Variants in CAST observed in about 807,000 individuals in gnomAD.
The protein encoded by CAST is MIR583 host.
A neutral mutation model predicts 119.6 loss-of-function variants in CAST; 76 were observed. The observed-to-expected ratio is 0.64, with a 90% CI of 0.53 to 0.77. CAST has a LOEUF of 0.77. CAST is among the 30% of genes least tolerant of loss of function. The pLI, the probability that CAST is intolerant of heterozygous loss-of-function variation, is 0.00. For missense variants in CAST, 953 were observed against 946.5 expected (o/e 1.01, Z -0.09); for synonymous variants, 319 against 331.6 (o/e 0.96, Z 0.41).
chr5:96,522,380 A>G (rs553012067), upstream of CAST, among the ~76,000 whole-genome samples: 2 of 152,156 alleles, frequency 1.3e-5, no homozygotes, highest in South Asian at 4.2e-4. Flanking sequence ...ACCATCACCT[A>G]CTTATTACCT....
At chr5:96,020,829 A>G in the CAST span, among the ~76,000 whole-genome samples, 1 of 46,398 alleles carries the variant, frequency 2.2e-5, no homozygotes, top group South Asian at 1.3e-3. Context: ...CCCACCCCCC[A>G]CCCCCCACCC....
At chr5:96,763,934 C>T (rs1768882969) in intron 25 of CAST, among the ~76,000 whole-genome samples, 1 of 150,582 alleles carries the variant, frequency 6.6e-6, no homozygotes, top group African/African-American at 2.5e-5. Context: ...TTTCAAGCAA[C>T]TGACTTAGCT....
the CAST span, among the ~76,000 whole-genome samples, chr5:95,969,197 T>C: frequency 6.6e-6 from 1 of 152,124 alleles, no homozygotes; most frequent in Admixed American, 6.6e-5. Flanking sequence ...TGGGGACAGA[T>C]TGTGAGGAGA....
the CAST span, among the ~76,000 whole-genome samples, chr5:96,305,047 G>A: frequency 2.0e-5 from 3 of 152,140 alleles, no homozygotes; most frequent in Admixed American, 1.3e-4. Flanking sequence ...GGGCAGTACG[G>A]CCATTTTCAT....
chr5:96,299,120 C>T, the CAST span, among the ~76,000 whole-genome samples: 1 of 151,932 alleles, frequency 6.6e-6, no homozygotes, highest in Non-Finnish European at 1.5e-5. Context: ...TGGTGGGCAC[C>T]TGTAATCCCA....
chr5:96,617,575 G>A (rs1747487959), intron 1 of CAST, among the ~76,000 whole-genome samples: 1 of 151,824 alleles, frequency 6.6e-6, no homozygotes, highest in Non-Finnish European at 1.5e-5. Context: ...GAATCACAAG[G>A]TCAGGAGATC....
chr5:96,057,257 G>A, the CAST span, among the ~76,000 whole-genome samples: 1 of 152,172 alleles, frequency 6.6e-6, no homozygotes, highest in Admixed American at 6.5e-5. Flanking sequence ...AATATGTTAG[G>A]AGGCAGCTTT....
chr5:96,755,070 G>A (rs1424870640), intron 22 of CAST: 1 of 170,164 alleles, frequency 5.9e-6, no homozygotes, highest in Non-Finnish European at 1.2e-5. Context: ...GCCGGGCATG[G>A]TGGCTCATGC....
At chr5:96,415,005 T>C in the CAST span, among the ~76,000 whole-genome samples, 1 of 152,254 alleles carries the variant, frequency 6.6e-6, no homozygotes, top group East Asian at 1.9e-4. Flanking sequence ...TGGGGTTTTA[T>C]TGTAATTGAA....
At chr5:96,401,921 A>G in the CAST span, among the ~76,000 whole-genome samples, 1 of 152,230 alleles carries the variant, frequency 6.6e-6, no homozygotes, top group African/African-American at 2.4e-5. Context: ...ATATAATTTT[A>G]AAACATATTG....
intron 3 of CAST, among the ~76,000 whole-genome samples, chr5:96,699,844 A>G (rs1407458164): frequency 6.6e-6 from 1 of 152,208 alleles, no homozygotes; most frequent in Non-Finnish European, 1.5e-5. Flanking sequence ...GGAAAACAGG[A>G]GAATTACCTA....
At chr5:96,049,907 A>G in the CAST span, among the ~76,000 whole-genome samples, 2 of 147,596 alleles carry the variant, frequency 1.4e-5, no homozygotes, top group African/African-American at 2.5e-5. Flanking sequence ...AAAAAAAAAA[A>G]AAAAAAAAAA....
upstream of CAST, among the ~76,000 whole-genome samples, chr5:96,529,433 A>G (rs1310305467): frequency 6.6e-6 from 1 of 151,594 alleles, no homozygotes; most frequent in Non-Finnish European, 1.5e-5. Flanking sequence ...TAATTGATAG[A>G]TAAAAATTGT....
At chr5:96,183,158 TAA>T in the CAST span, among the ~76,000 whole-genome samples, 2 of 80,808 alleles carry the variant, frequency 2.5e-5, no homozygotes, top group Non-Finnish European at 4.6e-5. Flanking sequence ...AAAAAATAAA[TAA>T]AATAATAATA....
chr5:96,725,712 G>A (rs1197179084), intron 4 of CAST, among the ~76,000 whole-genome samples: 1 of 152,102 alleles, frequency 6.6e-6, no homozygotes, highest in African/African-American at 2.4e-5. Context: ...TGTAGTGTAG[G>A]TTCTCCCATG....
At chr5:96,654,847 T>C (rs1335679886) in intron 1 of CAST, among the ~76,000 whole-genome samples, 1 of 152,234 alleles carries the variant, frequency 6.6e-6, no homozygotes, top group East Asian at 1.9e-4. Flanking sequence ...AAGACCTTCA[T>C]AGCTAGCTCA....
chr5:96,572,021 G>A (rs567841524), intron 1 of CAST, among the ~76,000 whole-genome samples: 3 of 152,256 alleles, frequency 2.0e-5, no homozygotes, highest in Non-Finnish European at 4.4e-5. Flanking sequence ...GTGGATAAAT[G>A]GTTTACAAAT....
At chr5:96,094,484 T>G in the CAST span, among the ~76,000 whole-genome samples, 1 of 152,072 alleles carries the variant, frequency 6.6e-6, no homozygotes, top group South Asian at 2.1e-4. Flanking sequence ...CCATATCTCC[T>G]TCTCCTGATA....
intron 1 of CAST, among the ~76,000 whole-genome samples, chr5:96,555,679 G>C (rs1243082020): frequency 1.3e-5 from 2 of 152,202 alleles, no homozygotes; most frequent in Non-Finnish European, 2.9e-5. Context: ...GGCTGACGGA[G>C]GGGTGCCCGC....
Sources: gnomAD v4.1 joint callset for allele counts (sites outside exome capture counted in the v4.1 genomes callset) on GRCh38, gnomAD v4.1.1 for gene constraint, MANE v1.5 for transcripts, NCBI Gene and HGNC (gene_info 2026-07-23, HGNC 2026-07-21) for gene names.